The following SLC24A4 variants were observed in gnomAD, a reference collection of about 807,000 sequenced individuals.
The protein encoded by SLC24A4 is solute carrier family 24 member 4.
In SLC24A4, 53 loss-of-function variants were observed where a neutral mutation model predicts 79.0. That is an observed-to-expected ratio of 0.67 (90% CI 0.54 to 0.84). The LOEUF is 0.84. SLC24A4 is among the 40% of genes least tolerant of loss of function. The probability of loss-of-function intolerance (pLI) is 0.00; values close to 1 mark genes in which losing one functional copy is unlikely to be tolerated. For synonymous variants in SLC24A4, 323 were observed against 323.8 expected (o/e 1.00, Z 0.03); for missense variants, 731 against 822.0 (o/e 0.89, Z 1.35).
chr14:92,424,648 G>A (rs895467337), intron 2 of SLC24A4, among the ~76,000 whole-genome samples: 4 of 152,014 alleles, frequency 2.6e-5, no homozygotes, highest in African/African-American at 7.3e-5. Context: ...GGTTGCTTGA[G>A]GCCAGGAGTT....
chr14:92,404,639 C>T lies in SLC24A4; in HGVS notation c.242-29273C>T, dbSNP rs369593069. Among the ~76,000 whole-genome samples, 4 of 152,314 alleles carry T rather than the reference C, an allele frequency of 2.6e-5. No homozygotes were observed. The East Asian group carries it at 5.8e-4, about 22-fold the overall frequency. On this transcript the variant is annotated intron_variant, in intron 2 of 16. Transcript: ENST00000532405. ...CATTCAGGTCCCTGTGCAAATAACA[C>T]CTCCTAGTGAGGCACTTCCTAACCA...
chr14:92,372,535 T>G (rs1005116682), intron 2 of SLC24A4, among the ~76,000 whole-genome samples: 5 of 152,146 alleles, frequency 3.3e-5, no homozygotes, highest in African/African-American at 9.7e-5. Flanking sequence ...TCAATTATCC[T>G]GTATGTACTG....
chr14:92,394,400 A>G (rs935094265), intron 2 of SLC24A4, among the ~76,000 whole-genome samples: 65 of 152,186 alleles, frequency 4.3e-4, no homozygotes, highest in African/African-American at 1.5e-3. Context: ...GTTGAAGACC[A>G]GCCTGGGCAA....
intron 2 of SLC24A4, among the ~76,000 whole-genome samples, chr14:92,408,657 T>C (rs918573519): frequency 2.0e-5 from 3 of 152,204 alleles, no homozygotes; most frequent in African/African-American, 7.2e-5. Context: ...CATAATGAGA[T>C]CTACCCTCTA....
intron 14 of SLC24A4, among the ~76,000 whole-genome samples, chr14:92,489,417 G>C (rs1273392205): frequency 6.6e-6 from 1 of 151,876 alleles, no homozygotes; most frequent in Admixed American, 6.6e-5. Context: ...GACAGAGGGA[G>C]ACTTCGTCTC....
intron 2 of SLC24A4, among the ~76,000 whole-genome samples, chr14:92,407,530 C>T (rs952140607): frequency 1.6e-4 from 24 of 152,106 alleles, no homozygotes; most frequent in African/African-American, 5.6e-4. Flanking sequence ...TTAATTGACT[C>T]ACAGTTCTGT....
At chr14:92,370,843 G>A (rs1244603663) in intron 2 of SLC24A4, among the ~76,000 whole-genome samples, 4 of 152,192 alleles carry the variant, frequency 2.6e-5, no homozygotes, top group African/African-American at 9.7e-5. Context: ...TTTTCTGAGT[G>A]GGTAGAAAGA....
intron 2 of SLC24A4, among the ~76,000 whole-genome samples, chr14:92,397,135 T>C (rs373649525): frequency 1.3e-5 from 2 of 152,316 alleles, no homozygotes; most frequent in African/African-American, 4.8e-5. Flanking sequence ...CCTTTGGCTG[T>C]GGTAATTCAT....
At chr14:92,491,295 A>G (rs1383943956) in intron 14 of SLC24A4, among the ~76,000 whole-genome samples, 1 of 152,248 alleles carries the variant, frequency 6.6e-6, no homozygotes, top group Non-Finnish European at 1.5e-5. Context: ...ATTATTGGTT[A>G]CTGAACACTG....
At chr14:92,447,451 CTGCCGACGCCT>C in intron 9 of SLC24A4, 27 bp downstream of exon 9, 1 of 1,608,070 alleles carries the variant, frequency 6.2e-7, no homozygotes, top group Middle Eastern at 1.7e-4. Flanking sequence ...CTCCCCGGGG[CTGCCGACGCCT>C]TGCCCCACTG....
chr14:92,494,807 A>G lies in SLC24A4; in HGVS notation c.*1179A>G, dbSNP rs562052340. 6.5e-6 allele frequency: 1 copy of G among 152,748 alleles called. No homozygotes were observed. The highest frequency in any genetic ancestry group is 2.1e-4 in the South Asian group (1 of 4,828). 9.5% of individuals were successfully genotyped at this position (152,748 alleles called of 1,614,324 possible). On this transcript the variant is annotated 3_prime_UTR_variant, in exon 17 of 17. Coordinates refer to ENST00000532405, the MANE Select transcript of SLC24A4 (RefSeq NM_153646.4). The surrounding 1 kb of genome is among the most constrained non-coding windows in gnomAD (Gnocchi z 4.6). ...TAGAGCTAAGCTTCTGGAACCACGTAGTTTCTACACGTGGCAGGCCAAGAA... is the reference window on the plus strand; with the variant it reads ...TAGAGCTAAGCTTCTGGAACCACGTGGTTTCTACACGTGGCAGGCCAAGAA...
At chr14:92,376,155 A>C (rs1285361886) in intron 2 of SLC24A4, among the ~76,000 whole-genome samples, 2 of 152,230 alleles carry the variant, frequency 1.3e-5, no homozygotes, top group African/African-American at 2.4e-5. Context: ...TGGCAGAATG[A>C]GCTCTGGAGC....
intron 12 of SLC24A4, among the ~76,000 whole-genome samples, chr14:92,460,106 A>T (rs192244282): frequency 1.3e-5 from 2 of 152,236 alleles, no homozygotes; most frequent in East Asian, 3.9e-4. Flanking sequence ...GGTGTCAAGG[A>T]ATGAGTCTAG....
intron 12 of SLC24A4, among the ~76,000 whole-genome samples, chr14:92,480,335 G>T (rs1328039134): frequency 1.1e-5 from 1 of 94,174 alleles, no homozygotes; most frequent in African/African-American, 3.9e-5. Flanking sequence ...CGCCCAGGCC[G>T]AACTGCGGAC....
chr14:92,335,642 C>T (rs547525673), intron 2 of SLC24A4, among the ~76,000 whole-genome samples: 21 of 152,232 alleles, frequency 1.4e-4, no homozygotes, highest in Non-Finnish European at 2.1e-4. Context: ...GGATTACAGG[C>T]GTGAGCCACT....
At chr14:92,411,606 G>A (rs1211681996) in intron 2 of SLC24A4, among the ~76,000 whole-genome samples, 1 of 152,164 alleles carries the variant, frequency 6.6e-6, no homozygotes, top group East Asian at 1.9e-4. Flanking sequence ...GTAGTTCATG[G>A]TTTCCCTGAC....
intron 8 of SLC24A4, among the ~76,000 whole-genome samples, chr14:92,446,043 C>A (rs973386103): frequency 1.3e-5 from 2 of 152,188 alleles, no homozygotes; most frequent in African/African-American, 4.8e-5. Context: ...AAAACAGATA[C>A]ATAAATCACA....
intron 12 of SLC24A4, among the ~76,000 whole-genome samples, chr14:92,467,217 T>C (rs1894175923): frequency 6.6e-6 from 1 of 152,224 alleles, no homozygotes; most frequent in Non-Finnish European, 1.5e-5. Flanking sequence ...CCAAGTGGGA[T>C]TTATTCCAAG....
chr14:92,392,921 A>G (rs997240721), intron 2 of SLC24A4, among the ~76,000 whole-genome samples: 3 of 150,944 alleles, frequency 2.0e-5, no homozygotes, highest in African/African-American at 7.3e-5. Flanking sequence ...ATCTATGAGG[A>G]ACATCTCTTC....
Sources: allele counts gnomAD v4.1 joint callset (sites outside exome capture counted in the v4.1 genomes callset), GRCh38; gene constraint gnomAD v4.1.1; non-coding constraint Gnocchi (gnomAD v3.1); transcripts MANE v1.5; gene names NCBI Gene and HGNC (gene_info 2026-07-23, HGNC 2026-07-21).